KNL1: variants seen among roughly 807,000 people sequenced by gnomAD.
The protein encoded by KNL1 is outer kinetochore KNL1 complex subunit KNL1.
A neutral mutation model predicts 201.3 loss-of-function variants in KNL1; 66 were observed. That is an observed-to-expected ratio of 0.33 (90% confidence interval 0.27 to 0.40). KNL1 has a LOEUF of 0.40. Ranked by LOEUF, KNL1 falls within the 10% of genes least tolerant of loss-of-function variation. KNL1 has a pLI of 1.00. For synonymous variants in KNL1, 895 were observed against 899.2 expected (o/e 1.00, Z 0.08); for missense variants, 2,815 against 2,690.5 (o/e 1.05, Z -1.02).
intron 1 of KNL1, among the ~76,000 whole-genome samples, chr15:40,601,923 A>G (rs1272787903): frequency 2.9e-4 from 33 of 112,104 alleles, no homozygotes; most frequent in African/African-American, 9.9e-4. Flanking sequence ...GCTGGAGTGC[A>G]GTGGTGCAAT....
intron 17 of KNL1, among the ~76,000 whole-genome samples, chr15:40,648,442 AT>A (rs11285126): frequency 0.38 from 57,842 of 151,946 alleles, 11,532 homozygotes; most frequent in Non-Finnish European, 0.44. Context: ...AAATTTAAAT[AT>A]ATTCTCCGAG....
chr15:40,622,395 A>C lies in KNL1; in HGVS notation c.2131A>C (p.Lys711Gln). The part of the protein sequence containing the change: ...PLFSSGQFSM[K>Q]NHDTAISSHT... ...ATTTTCATCAGGACAGTTCTCTATG[A>C]AAAATCATGATACTGCTATAAGTAG... Residue 711 changes from lysine to glutamine, a missense_variant, in exon 10 of 26, where the codon AAA (lysine) becomes CAA (glutamine). By Grantham distance (53) the Lys-to-Gln change is moderately conservative (BLOSUM62 1). Coordinates refer to ENST00000399668, the MANE Select transcript of KNL1 (RefSeq NM_144508.5). 1.2e-6 allele frequency: 2 copies of C among 1,613,874 alleles called. No individual in the cohort carries two copies. Among genetic ancestry groups the C allele is most frequent in the Non-Finnish European group, 1.7e-6 (2 of 1,179,836 alleles).
chr15:40,649,413 A>G (rs1388885312), intron 17 of KNL1, among the ~76,000 whole-genome samples: 1 of 151,432 alleles, frequency 6.6e-6, no homozygotes, highest in Non-Finnish European at 1.5e-5. Context: ...CTTGTGCCTC[A>G]GCCTCCCAAG....
Position 40,620,698 on chromosome 15 carries a change from T to C in KNL1, c.434T>C (p.Phe145Ser), listed in dbSNP as rs758646699. The C allele has an allele frequency of 2.5e-6, 4 of 1,603,754 alleles. No individual in the cohort carries two copies. ...RKHANDQTVI[F>S]SDENQMDLTS... ...CATGCAAATGACCAGACAGTCATTT[T>C]TTCAGATGAAAACCAGATGGACCTG... The change falls in exon 10 of 26, where the codon TTT becomes TCT. Residue 145 changes from phenylalanine (F) to serine (S), a missense_variant. By Grantham distance (155) the Phe-to-Ser change is radical (BLOSUM62 -2). Transcript: ENST00000399668.
chr15:40,614,858 T>C (rs992988349), intron 7 of KNL1, among the ~76,000 whole-genome samples: 2 of 152,140 alleles, frequency 1.3e-5, no homozygotes, highest in African/African-American at 4.8e-5. Context: ...TATAGGTCAT[T>C]TTTTGAAAAA....
Position 40,621,408 on chromosome 15 carries a change from A to G in KNL1, c.1144A>G (p.Lys382Glu), listed in dbSNP as rs1311195549. 1.2e-6 allele frequency: 2 copies of G among 1,613,132 alleles called. No homozygotes were observed. Among genetic ancestry groups the G allele is most frequent in the Non-Finnish European group, 1.7e-6 (2 of 1,179,594 alleles). ...AGACCTTTCCATAAACTCTGCAGACAAAATACATATTACCAGAAGTCATAT... is the reference window on the plus strand; with the variant it reads ...AGACCTTTCCATAAACTCTGCAGACGAAATACATATTACCAGAAGTCATAT... Reference protein sequence around the residue: ...FQDLSINSADKIHITRSHIMG... With the variant: ...FQDLSINSADEIHITRSHIMG... The change falls in exon 10 of 26, where the codon AAA becomes GAA. Residue 382 changes from lysine to glutamate, a missense_variant. Physicochemically the swap from Lys to Glu is moderately conservative, Grantham distance 56. Coordinates refer to ENST00000399668, the MANE Select transcript of KNL1 (RefSeq NM_144508.5).
intron 22 of KNL1, among the ~76,000 whole-genome samples, chr15:40,655,531 C>G (rs990882486): frequency 2.8e-5 from 4 of 141,190 alleles, no homozygotes; most frequent in African/African-American, 1.1e-4. Context: ...ACGGAGGTTG[C>G]AGTGAGCCGA....
Position 40,623,303 on chromosome 15 carries a change from C to T in KNL1, c.3039C>T (p.Ser1013=). The T allele has an allele frequency of 6.2e-7, 1 of 1,613,734 alleles. No homozygotes were observed. Among genetic ancestry groups the T allele is most frequent in the Non-Finnish European group, 8.5e-7 (1 of 1,179,832 alleles). ...GESDRLVAND[S]QLTPLEEWSN... ...GTGACCGTCTAGTAGCAAATGACAG[C>T]CAGCTAACCCCTCTGGAGGAATGGT... is the stretch of plus-strand genomic sequence containing the variant. The change falls in exon 10 of 26, where the codon AGC becomes AGT. Residue 1013 remains serine (S), a synonymous_variant. Coordinates refer to ENST00000399668, the MANE Select transcript of KNL1 (RefSeq NM_144508.5).
intron 2 of KNL1, 69 bp downstream of exon 2, chr15:40,603,035 A>T (rs983350973): frequency 1.0e-6 from 1 of 992,716 alleles, no homozygotes; most frequent in South Asian, 1.4e-5. Flanking sequence ...AATTAGTAAG[A>T]CCTATCCATA....
intron 3 of KNL1, 144 bp downstream of exon 3, chr15:40,605,293 G>A: frequency 1.8e-6 from 1 of 556,002 alleles, no homozygotes; most frequent in East Asian, 2.7e-5. Context: ...TATTTAACGT[G>A]GTTATACAAT....
chr15:40,625,542 C>T lies in KNL1; in HGVS notation c.5278C>T (p.Gln1760Ter), dbSNP rs765899232. Residue 1760 changes from glutamine (Q) to a stop codon, truncating the protein, a stop_gained, in exon 10 of 26, where the codon CAA becomes TAA. Transcript: ENST00000399668. LOFTEE classifies it high-confidence loss of function. Reference protein sequence around the residue: ...ENKMGKTCNSQKRTWVQEEED... With the variant: ...ENKMGKTCNS ...TAAAATGGGAAAAACTTGCAATAGCCAAAAAAGAACGTGGGTACAAGAAGA... is the reference window on the plus strand; with the variant it reads ...TAAAATGGGAAAAACTTGCAATAGCTAAAAAAGAACGTGGGTACAAGAAGA... The T allele has an allele frequency of 6.2e-7, 1 of 1,605,404 alleles. No individual in the cohort carries two copies. Among genetic ancestry groups the T allele is most frequent in the Non-Finnish European group, 8.5e-7 (1 of 1,177,802 alleles).
chr15:40,616,223 A>G (rs1426066932), intron 8 of KNL1, among the ~76,000 whole-genome samples: 1 of 150,050 alleles, frequency 6.7e-6, no homozygotes, highest in Non-Finnish European at 1.5e-5. Context: ...TCCCGGGTTC[A>G]AGCAATTCTC....
chr15:40,624,909 T>C lies in KNL1; in HGVS notation c.4645T>C (p.Ser1549Pro), dbSNP rs1375785246. ...AGEAPDPVITSNVPCFHSIKP... is the reference protein window; with the variant it reads ...AGEAPDPVITPNVPCFHSIKP... ...AGAAGCACCAGATCCTGTAATTACA[T>C]CTAATGTTCCATGTTTTCATAGTAT... Residue 1549 changes from serine to proline, a missense_variant, in exon 10 of 26, where the codon TCT (serine) becomes CCT (proline). Ser to Pro is a moderately conservative substitution (Grantham distance 74). This residue lies in a region of KNL1 where 2,464 missense variants were observed against 2,291.7 expected (regional missense o/e 1.08). Transcript: ENST00000399668. The C allele has an allele frequency of 6.2e-7, 1 of 1,613,164 alleles. No individual in the cohort carries two copies. The highest frequency in any genetic ancestry group is 8.5e-7 in the Non-Finnish European group (1 of 1,179,870).
rs1443369892 is a variant in KNL1 at position 40,652,061 on chromosome 15, T to C, written c.6371T>C (p.Val2124Ala). ...WSDDQAVFTF[V>A]YDTIQLTITF... Reference sequence around the variant, plus strand: ...GATGATCAAGCTGTATTCACCTTTGTTTATGACACGATACAACTCACCATC... The same window carrying C: ...GATGATCAAGCTGTATTCACCTTTGCTTATGACACGATACAACTCACCATC... Residue 2124 changes from valine (V) to alanine (A), a missense_variant, in exon 21 of 26, where the codon GTT becomes GCT. This residue lies in a region of KNL1 where 334 missense variants were observed against 362.6 expected (regional missense o/e 0.92). Coordinates refer to ENST00000399668, the MANE Select transcript of KNL1 (RefSeq NM_144508.5). 4 of 1,613,916 alleles carry C rather than the reference T, an allele frequency of 2.5e-6. No homozygotes were observed. Among genetic ancestry groups the C allele is most frequent in the Admixed American group, 1.7e-5 (1 of 60,022 alleles).
chr15:40,619,663 C>G (rs914943886), intron 9 of KNL1, among the ~76,000 whole-genome samples: 1 of 152,072 alleles, frequency 6.6e-6, no homozygotes, highest in Non-Finnish European at 1.5e-5. Context: ...CTTGGCTTCT[C>G]AAAGTGCTGG....
Position 40,655,025 on chromosome 15 carries a change from C to T in KNL1, c.6484+48C>T, listed in dbSNP as rs1330887176. ...TCTAAAAATTTGTTGGGGCTGGGCA[C>T]TATGGCTCATGCCTTTAATCCCAGC... is the stretch of plus-strand genomic sequence containing the variant. On this transcript the variant is annotated intron_variant, in intron 22 of 25. Coordinates refer to ENST00000399668, the MANE Select transcript of KNL1 (RefSeq NM_144508.5). 3.5e-6 allele frequency: 5 copies of T among 1,436,028 alleles called. No homozygotes were observed. The African/African-American group carries it at 7.0e-5, about 20-fold the overall frequency. The allele number at this position is 1,436,028 out of a possible 1,614,324, so 89.0% of individuals were successfully genotyped here.
At chr15:40,615,555 T>G in intron 8 of KNL1, 177 bp downstream of exon 8, 1 of 238,194 alleles carries the variant, frequency 4.2e-6, no homozygotes, top group Non-Finnish European at 8.6e-6. Flanking sequence ...GATCACGAGG[T>G]CGGGAGATCG....
In KNL1 at chr15:40,622,408, C is replaced by A. The variant is rs375966446; in HGVS notation, c.2144C>A (p.Thr715Asn). Residue 715 changes from threonine to asparagine, a missense_variant, in exon 10 of 26, where the codon ACT (threonine) becomes AAT (asparagine). Around this residue, in one of 3 missense-constraint regions of KNL1, gnomAD observed 2,464 missense variants for 2,291.7 expected, o/e 1.08. Coordinates refer to ENST00000399668, the MANE Select transcript of KNL1 (RefSeq NM_144508.5). ...CAGTTCTCTATGAAAAATCATGATA[C>A]TGCTATAAGTAGTCATACAGTGAAA... ...SGQFSMKNHD[T>N]AISSHTVKSV... is the part of the protein sequence containing the mutation. The A allele has an allele frequency of 6.2e-7, 1 of 1,613,630 alleles. No individual in the cohort carries two copies. The highest frequency in any genetic ancestry group is 8.5e-7 in the Non-Finnish European group (1 of 1,179,660).
intron 8 of KNL1, 74 bp downstream of exon 8, chr15:40,615,452 C>T (rs1369651568): frequency 4.9e-6 from 2 of 410,906 alleles, no homozygotes; most frequent in Non-Finnish European, 8.7e-6. Flanking sequence ...CTATTATGTA[C>T]AAGAAACCAT....
Sources: gnomAD v4.1 joint callset for allele counts (sites outside exome capture counted in the v4.1 genomes callset) on GRCh38, gnomAD v4.1.1 for gene constraint, gnomAD v4.1.1 regional missense constraint, MANE v1.5 for transcripts, NCBI Gene and HGNC (gene_info 2026-07-23, HGNC 2026-07-21) for gene names.